Variants in DGKI observed in about 807,000 individuals in gnomAD.
The protein encoded by DGKI is diacylglycerol kinase iota.
A neutral mutation model predicts 147.5 loss-of-function variants in DGKI; 55 were observed. The ratio of observed to expected loss-of-function variants is 0.37; its 90% confidence interval spans 0.30 to 0.47. DGKI has a LOEUF of 0.47. Among genes scored for constraint, DGKI ranks in the 20% least tolerant of loss-of-function variants. The pLI, the probability that DGKI is intolerant of heterozygous loss-of-function variation, is 1.00. For synonymous variants in DGKI, 469 were observed against 477.1 expected (o/e 0.98, Z 0.22); for missense variants, 1,007 against 1,323.8 (o/e 0.76, Z 3.71).
At chr7:137,526,962 T>A (rs919164723) in intron 20 of DGKI, among the ~76,000 whole-genome samples, 3 of 152,182 alleles carry the variant, frequency 2.0e-5, no homozygotes, top group Admixed American at 1.3e-4. Flanking sequence ...GGGTCACTTT[T>A]AAACCACGGA....
At position 137,622,000 on chromosome 7, in the gene DGKI, C is replaced by T. The variant is rs140852912; in HGVS notation, c.876+1483G>A. ...TGCCTTGCTGGTACAGAGTTTCATT[C>T]AATAACTAGGATGGCCTTATATTTG... On this transcript the variant is annotated intron_variant, in intron 7 of 32. Coordinates refer to ENST00000614521, the MANE Select transcript of DGKI (RefSeq NM_001321708.2). Among the ~76,000 whole-genome samples, 873 of 152,304 alleles carry T rather than the reference C, an allele frequency of 5.7e-3. 14 individuals carry two copies. Among genetic ancestry groups the T allele is most frequent in the African/African-American group, 0.02 (815 of 41,556 alleles).
chr7:137,490,975 ATAC>A (rs1479225109), intron 21 of DGKI, among the ~76,000 whole-genome samples: 2 of 152,366 alleles, frequency 1.3e-5, no homozygotes, highest in African/African-American at 2.4e-5. Flanking sequence ...CTCACCAGAA[ATAC>A]TACTAACCTA....
In DGKI at chr7:137,654,808, G is replaced by T; in HGVS notation, c.682-20C>A. 6.7e-7 allele frequency: 1 copy of T among 1,499,846 alleles called. No homozygotes were observed. Among genetic ancestry groups the T allele is most frequent in the Non-Finnish European group, 9.2e-7 (1 of 1,081,238 alleles). The allele number at this position is 1,499,846 out of a possible 1,614,324, so 92.9% of individuals were successfully genotyped here. ...ATTAATCTGTCATTCAAAAAGAAAA[G>T]TATATTATATTAGAGATAAGCATCA... On this transcript the variant is annotated intron_variant, in intron 4 of 32. Transcript: ENST00000614521.
In DGKI at chr7:137,621,941, G is replaced by A. The variant is rs148059630; in HGVS notation, c.876+1542C>T. ...AGAAGAACCAGGAGCAAAGATAGCA[G>A]CACTGGGGACCCCAGGACCACAAAT... is the stretch of plus-strand genomic sequence containing the variant. On this transcript the variant is annotated intron_variant, in intron 7 of 32. Transcript: ENST00000614521. Among the ~76,000 whole-genome samples, 40 of 152,362 alleles carry A rather than the reference G, an allele frequency of 2.6e-4. No homozygotes were observed. In the East Asian group the frequency reaches 7.5e-3, roughly 29 times the overall value.
chr7:137,458,753 C>A (rs1474381533), intron 27 of DGKI, among the ~76,000 whole-genome samples: 1 of 152,152 alleles, frequency 6.6e-6, no homozygotes, highest in Non-Finnish European at 1.5e-5. Context: ...TAAGTAAATT[C>A]CCTCTCTATT....
At chr7:137,463,869 A>C (rs1814548833) in intron 26 of DGKI, among the ~76,000 whole-genome samples, 1 of 152,220 alleles carries the variant, frequency 6.6e-6, no homozygotes, top group Admixed American at 6.5e-5. Flanking sequence ...CATGAATAAG[A>C]AGTAATAGAC....
At position 137,472,320 on chromosome 7, in the gene DGKI, T is replaced by A. The variant is rs1318310503; in HGVS notation, c.2374-2701A>T. 2.6e-3 allele frequency among the ~76,000 whole-genome samples: 32 copies of A among 12,292 alleles called. 1 individual carries two copies. Among genetic ancestry groups the A allele is most frequent in the African/African-American group, 5.6e-3 (32 of 5,732 alleles). 8.1% of individuals were successfully genotyped at this position (12,292 alleles called of 152,430 possible). ...TATATTTATGTGTATATACATATAA[T>A]TATTATATGTATATATACATATAAT... On this transcript the variant is annotated intron_variant, in intron 23 of 32. Coordinates refer to ENST00000614521, the MANE Select transcript of DGKI (RefSeq NM_001321708.2).
chr7:137,443,072 A>G (rs1258932396), intron 28 of DGKI, among the ~76,000 whole-genome samples: 1 of 152,180 alleles, frequency 6.6e-6, no homozygotes, highest in East Asian at 1.9e-4. Flanking sequence ...AATTTGATGT[A>G]GAATTAGATG....
At chr7:137,591,166 A>G (rs949510934) in intron 12 of DGKI, among the ~76,000 whole-genome samples, 1 of 152,242 alleles carries the variant, frequency 6.6e-6, no homozygotes, top group African/African-American at 2.4e-5. Flanking sequence ...TGGTCTATGC[A>G]GAAAAGGACA....
intron 1 of DGKI, among the ~76,000 whole-genome samples, chr7:137,700,878 C>CAAATAAATAAAT (rs143983872): frequency 1.2e-4 from 17 of 146,636 alleles, no homozygotes; most frequent in African/African-American, 2.8e-4. Context: ...AGCTCCGTCT[C>CAAATAAATAAAT]AAATAAATAA....
In DGKI at chr7:137,391,068, C is replaced by T. The variant is rs118161928; in HGVS notation, c.*152G>A. 8,404 of 680,132 alleles carry T rather than the reference C, an allele frequency of 0.012. 94 individuals carry two copies. The highest frequency in any genetic ancestry group is 0.017 in the Non-Finnish European group (6,374 of 380,778). The allele number at this position is 680,132 out of a possible 1,614,324, so 42.1% of individuals were successfully genotyped here. A position where few individuals can be genotyped will look rare whatever the true frequency, so the allele number is the denominator to read the frequency against. On this transcript the variant is annotated 3_prime_UTR_variant, in exon 33 of 33. Coordinates refer to ENST00000614521, the MANE Select transcript of DGKI (RefSeq NM_001321708.2). ...CATGTTCTGTTGTACATCTTGGTAG[C>T]CCTTAAAAGCTAGTGGCATGGTCTC...
At chr7:137,644,214 C>T (rs749276508) in intron 6 of DGKI, among the ~76,000 whole-genome samples, 2 of 152,188 alleles carry the variant, frequency 1.3e-5, no homozygotes, top group Non-Finnish European at 2.9e-5. Context: ...AATCTTTCCA[C>T]TTCCCCCTTC....
rs192958117 is a variant in DGKI, at chr7:137,791,586, T to A, written c.401+54876A>T. On this transcript the variant is annotated intron_variant, in intron 1 of 32. Coordinates refer to ENST00000614521, the MANE Select transcript of DGKI (RefSeq NM_001321708.2). ...ATAAGATCCTATAAGATTTCTTAAGTGTGAAACTCAGCTGCAGCTGTATAT... is the reference window on the plus strand; with the variant it reads ...ATAAGATCCTATAAGATTTCTTAAGAGTGAAACTCAGCTGCAGCTGTATAT... Among the ~76,000 whole-genome samples, 189 of 152,336 alleles carry A rather than the reference T, an allele frequency of 1.2e-3. 1 individual carries two copies. The highest frequency in any genetic ancestry group is 1.1e-3 in the Admixed American group (17 of 15,308).
chr7:137,805,428 C>T (rs1797336686), intron 1 of DGKI, among the ~76,000 whole-genome samples: 1 of 152,180 alleles, frequency 6.6e-6, no homozygotes, highest in South Asian at 2.1e-4. Context: ...GAGGAGCTAC[C>T]CCTGAATGGT....
At chr7:137,425,353 G>C (rs1812754370) in intron 28 of DGKI, among the ~76,000 whole-genome samples, 1 of 152,150 alleles carries the variant, frequency 6.6e-6, no homozygotes, top group South Asian at 2.1e-4. Context: ...CTGTTAGAAG[G>C]AAAACTAACA....
chr7:137,831,201 T>C (rs1413221068), intron 1 of DGKI, among the ~76,000 whole-genome samples: 1 of 152,248 alleles, frequency 6.6e-6, no homozygotes, highest in Non-Finnish European at 1.5e-5. Flanking sequence ...TCGCCAATGA[T>C]ATTTTATCAG....
chr7:137,545,145 A>G (rs963089955), intron 20 of DGKI, among the ~76,000 whole-genome samples: 1 of 152,200 alleles, frequency 6.6e-6, no homozygotes, highest in African/African-American at 2.4e-5. Flanking sequence ...TTCCTCATGC[A>G]TAGAAGGGAG....
chr7:137,527,760 C>T (rs1817203046), intron 20 of DGKI, among the ~76,000 whole-genome samples: 1 of 152,060 alleles, frequency 6.6e-6, no homozygotes, highest in South Asian at 2.1e-4. Context: ...ACTCTGTCTG[C>T]CTTTCACCCT....
chr7:137,548,819 G>C (rs1336473123), intron 20 of DGKI, among the ~76,000 whole-genome samples: 1 of 151,980 alleles, frequency 6.6e-6, no homozygotes, highest in Non-Finnish European at 1.5e-5. Flanking sequence ...AATACATCTG[G>C]GCATGGTAGC....
Sources: allele counts gnomAD v4.1 joint callset (sites outside exome capture counted in the v4.1 genomes callset), GRCh38; gene constraint gnomAD v4.1.1; transcripts MANE v1.5; gene names NCBI Gene and HGNC (gene_info 2026-07-23, HGNC 2026-07-21).